FBXO2: variants seen among roughly 807,000 people sequenced by gnomAD.
FBXO2 encodes F-box only protein 2.
FBXO2 carries 32 observed loss-of-function variants against 38.6 expected under a neutral mutation model. That is an observed-to-expected ratio of 0.83 (90% CI 0.62 to 1.11). The LOEUF is 1.11. Ranked by LOEUF, FBXO2 falls within the 50% of genes most tolerant of loss-of-function variation. The pLI, the probability that FBXO2 is intolerant of heterozygous loss-of-function variation, is 0.00. For missense variants in FBXO2, 450 were observed against 418.3 expected, an observed-to-expected ratio of 1.08 and a Z score of -0.66; for synonymous variants, 189 against 182.9, an observed-to-expected ratio of 1.03 and a Z score of -0.27.
In FBXO2 at chr1:11,650,815, C is replaced by T; in HGVS notation, c.42G>A (p.Glu14=). The T allele has an allele frequency of 6.5e-7, 1 of 1,545,944 alleles. No individual in the cohort carries two copies. Residue 14 remains glutamate (E), a synonymous_variant, in exon 2 of 6, where the codon GAG becomes GAA. Coordinates refer to ENST00000354287, the MANE Select transcript of FBXO2 (RefSeq NM_012168.6). The part of the protein sequence containing the change: ...DGDPESVGQP[E]EASPEEQPEE... ...CTGGCTGCTCCTCCGGGCTTGCCTC[C>T]TCGGGCTGGCCCACGCTCTCTGCAG...
At chr1:11,649,253 G>T in intron 4 of FBXO2, 28 bp from the exon 5 acceptor site, 1 of 1,486,252 alleles carries the variant, frequency 6.7e-7, no homozygotes, top group Non-Finnish European at 9.1e-7. Context: ...GCGAGGTGGG[G>T]GGCGGGAGGT....
In FBXO2 at chr1:11,650,738, GCCT is replaced by G. The variant is rs1174790926; in HGVS notation, c.116_118del (p.Glu39del). On this transcript the variant is annotated inframe_deletion, in exon 2 of 6. Coordinates refer to ENST00000354287, the MANE Select transcript of FBXO2 (RefSeq NM_012168.6). ...GTCCAGGTACGCGGCGGCGGCCGCC[GCCT>G]CCTCCTCCTGCTGGTCCTCCGGCCG... 20 of 1,529,526 alleles carry G rather than the reference GCCT, an allele frequency of 1.3e-5. No homozygotes were observed. Among genetic ancestry groups the G allele is most frequent in the Non-Finnish European group, 1.4e-5 (16 of 1,144,720 alleles). The allele number at this position is 1,529,526 out of a possible 1,614,324, so 94.7% of individuals were successfully genotyped here.
In FBXO2 at chr1:11,648,995, C is replaced by CCCAGCCCCG; in HGVS notation, c.756+91_756+92insCGGGGCTGG. 1 of 1,349,028 alleles carries CCCAGCCCCG rather than the reference C, an allele frequency of 7.4e-7. No individual in the cohort carries two copies. The highest frequency in any genetic ancestry group is 1.0e-6 in the Non-Finnish European group (1 of 981,500). The allele number at this position is 1,349,028 out of a possible 1,614,324, so 83.6% of individuals were successfully genotyped here. ...TCTCAGCCCAGCCCAGCCCAGCCCA[C>CCCAGCCCCG]CCCAGCCCAGGAGCGCTGTGGGCGG... is the stretch of plus-strand genomic sequence containing the variant. On this transcript the variant is annotated intron_variant, in intron 5 of 5. Transcript: ENST00000354287. The surrounding 1 kb of genome is among the most constrained non-coding windows in gnomAD (Gnocchi z 4.2).
rs759584337 is a variant in FBXO2 at position 11,649,866 on chromosome 1, C to T, written c.530G>A (p.Arg177His). 6 of 1,613,934 alleles carry T rather than the reference C, an allele frequency of 3.7e-6. No individual in the cohort carries two copies. The highest frequency in any genetic ancestry group is 2.7e-5 in the African/African-American group (2 of 74,944). ...CTGCAGGTCAATGACCTGTGCTTTGCGACACCACCTGGGAGAACTGGAGTT... is the reference window on the plus strand; with the variant it reads ...CTGCAGGTCAATGACCTGTGCTTTGTGACACCACCTGGGAGAACTGGAGTT... ...KYFASSFEWC[R>H]KAQVIDLQAE... Residue 177 changes from arginine to histidine, a missense_variant, in exon 4 of 6, where the codon CGC becomes CAC. Physicochemically the swap from Arg to His is conservative, Grantham distance 29. Transcript: ENST00000354287.
intron 1 of FBXO2, among the ~76,000 whole-genome samples, chr1:11,652,156 G>A (rs79312676): frequency 1.4e-3 from 215 of 152,322 alleles, no homozygotes; most frequent in African/African-American, 4.9e-3. Context: ...AGGTGCAAAT[G>A]CTCAGGCTCA....
In FBXO2 at chr1:11,650,494, G is replaced by A; in HGVS notation, c.363C>T (p.Arg121=). The A allele has an allele frequency of 6.2e-7, 1 of 1,608,912 alleles. No homozygotes were observed. ...QQFYFLSKRR[R]NLLRNPCGEE... ...CCCCACACGGGTTACGCAGAAGGTT[G>A]CGGCGCCGCTTGCTCAGGAAGTAGA... is the stretch of plus-strand genomic sequence containing the variant. Residue 121 remains arginine, a synonymous_variant, in exon 2 of 6, where the codon CGC becomes CGT. Coordinates refer to ENST00000354287, the MANE Select transcript of FBXO2 (RefSeq NM_012168.6).
Position 11,650,571 on chromosome 1 carries a change from C to T in FBXO2, c.286G>A (p.Gly96Arg), listed in dbSNP as rs745719600. 33 of 1,595,880 alleles carry T rather than the reference C, an allele frequency of 2.1e-5. No individual in the cohort carries two copies. The East Asian group carries it at 7.5e-4, about 36-fold the overall frequency. The change falls in exon 2 of 6, where the codon GGG becomes AGG. Residue 96 changes from glycine (G) to arginine (R), a missense_variant. Physicochemically the swap from Gly to Arg is moderately radical, Grantham distance 125. Coordinates refer to ENST00000354287, the MANE Select transcript of FBXO2 (RefSeq NM_012168.6). ...PLWLLKCQQE[G>R]LVPEGGVEEE... The stretch of plus-strand genomic sequence containing the variant: ...TCCACGCCGCCCTCGGGCACCAGCC[C>T]CTCCTGCTGGCACTTGAGCAGCCAC...
At chr1:11,651,605 T>C (rs911871501) in intron 1 of FBXO2, among the ~76,000 whole-genome samples, 20 of 152,182 alleles carry the variant, frequency 1.3e-4, no homozygotes, top group African/African-American at 4.6e-4. Context: ...GGTTGGAGCC[T>C]GGATTTGAAC....
At chr1:11,650,864 A>C (rs1468554581) in intron 1 of FBXO2, 30 bp from the exon 2 acceptor site, 1 of 1,557,696 alleles carries the variant, frequency 6.4e-7, no homozygotes, top group Non-Finnish European at 8.6e-7. Flanking sequence ...GGAGGCTGTG[A>C]TTCCTCCACC....
Position 11,649,084 on chromosome 1 carries a change from C to A in FBXO2, c.756+3G>T. 1 of 1,591,352 alleles carries A rather than the reference C, an allele frequency of 6.3e-7. No homozygotes were observed. The highest frequency in any genetic ancestry group is 1.1e-5 in the South Asian group (1 of 87,568). On this transcript the variant is annotated splice_donor_region_variant and intron_variant, in intron 5 of 5. Transcript: ENST00000354287. Reference sequence around the variant, plus strand: ...CCCTCCGCCCTGGGTCCCCCAGGCTCACCTCCATCCAGCCCCCGCCGTCAC... The same window carrying A: ...CCCTCCGCCCTGGGTCCCCCAGGCTAACCTCCATCCAGCCCCCGCCGTCAC...
chr1:11,649,673 C>G, intron 4 of FBXO2, 106 bp downstream of exon 4: 5 of 1,232,044 alleles, frequency 4.1e-6, no homozygotes, highest in Non-Finnish European at 5.8e-6. Context: ...GGCCTCAACC[C>G]CTGCAGTGGG....
chr1:11,650,436 A>G (rs1639495281), intron 2 of FBXO2, 30 bp downstream of exon 2: 1 of 1,598,952 alleles, frequency 6.3e-7, no homozygotes, highest in African/African-American at 1.3e-5. Flanking sequence ...CAGCAGGGGA[A>G]GCTGAGCTCG....
At chr1:11,649,393 A>T in intron 4 of FBXO2, 168 bp from the exon 5 acceptor site, 1 of 641,392 alleles carries the variant, frequency 1.6e-6, no homozygotes, top group East Asian at 2.8e-5. Flanking sequence ...GATAAGGGAA[A>T]CGAGGCCAGC....
chr1:11,649,255 G>GGGCTGC, intron 4 of FBXO2, 30 bp from the exon 5 acceptor site: 2 of 1,446,922 alleles, frequency 1.4e-6, no homozygotes, highest in Non-Finnish European at 1.9e-6. Flanking sequence ...GAGGTGGGGG[G>GGGCTGC]CGGGAGGTGG....
At chr1:11,650,390 C>T in intron 2 of FBXO2, 76 bp downstream of exon 2, 1 of 1,531,618 alleles carries the variant, frequency 6.5e-7, no homozygotes, top group Non-Finnish European at 8.8e-7. Flanking sequence ...CCCATTTCTC[C>T]CTCAAAGCCA....
chr1:11,650,070 G>A lies in FBXO2; in HGVS notation c.396C>T (p.Asp132=). 6.2e-7 allele frequency: 1 copy of A among 1,613,938 alleles called. No individual in the cohort carries two copies. The highest frequency in any genetic ancestry group is 8.5e-7 in the Non-Finnish European group (1 of 1,180,008). ...GCTCCACGTCACACCAGCCTTCCAA[G>A]TCCTCTGTAGGGACACGACAGCCCC... The part of the protein sequence containing the change: ...NLLRNPCGEE[D]LEGWCDVEHG... The change falls in exon 3 of 6, where the codon GAC becomes GAT. Residue 132 remains aspartate, a synonymous_variant. Coordinates refer to ENST00000354287, the MANE Select transcript of FBXO2 (RefSeq NM_012168.6).
chr1:11,651,016 C>T (rs777082383), intron 1 of FBXO2, among the ~76,000 whole-genome samples, 182 bp from the exon 2 acceptor site: 27 of 152,232 alleles, frequency 1.8e-4, no homozygotes, highest in Non-Finnish European at 3.7e-4. Context: ...AGACCAACCC[C>T]GGATCAGCCC....
rs1266581377 is a variant in FBXO2 at position 11,650,503 on chromosome 1, C to G, written c.354G>C (p.Lys118Asn). The G allele has an allele frequency of 3.7e-6, 6 of 1,608,372 alleles. No individual in the cohort carries two copies. The highest frequency in any genetic ancestry group is 5.1e-6 in the Non-Finnish European group (6 of 1,178,240). ...GGTTACGCAGAAGGTTGCGGCGCCG[C>G]TTGCTCAGGAAGTAGAACTGCTGCC... ...DHWQQFYFLS[K>N]RRRNLLRNPC... The change falls in exon 2 of 6, where the codon AAG becomes AAC. Residue 118 changes from lysine (K) to asparagine (N), a missense_variant. By Grantham distance (94) the Lys-to-Asn change is moderately conservative. Transcript: ENST00000354287.
rs1377344598 is a variant in FBXO2 at position 11,650,459 on chromosome 1, C to T, written c.391+7G>A. ...GAAGCTGAGCTCGCCCAGCGAGGGC[C>T]TCTCACCTTCCCCACACGGGTTACG... is the stretch of plus-strand genomic sequence containing the variant. On this transcript the variant is annotated splice_region_variant and intron_variant, in intron 2 of 5. Coordinates refer to ENST00000354287, the MANE Select transcript of FBXO2 (RefSeq NM_012168.6). The T allele has an allele frequency of 6.2e-7, 1 of 1,607,334 alleles. No individual in the cohort carries two copies. The highest frequency in any genetic ancestry group is 8.5e-7 in the Non-Finnish European group (1 of 1,177,438).
Sources: gnomAD v4.1 joint callset for allele counts (sites outside exome capture counted in the v4.1 genomes callset) on GRCh38, gnomAD v4.1.1 for gene constraint, Gnocchi (gnomAD v3.1) non-coding constraint, MANE v1.5 for transcripts, NCBI Gene and HGNC (gene_info 2026-07-23, HGNC 2026-07-21) for gene names.